SH2D1B: variants seen among roughly 807,000 people sequenced by gnomAD.
SH2D1B encodes the protein SH2 domain containing 1B.
In SH2D1B, 11 loss-of-function variants were observed where a neutral mutation model predicts 16.3. That is an observed-to-expected ratio of 0.67 (90% CI 0.42 to 1.11). The LOEUF is 1.11. SH2D1B is among the 50% of genes most tolerant of loss of function. SH2D1B has a pLI of 0.00. For synonymous variants in SH2D1B, 55 were observed against 56.1 expected, an observed-to-expected ratio of 0.98 and a Z score of 0.09; for missense variants, 123 against 153.1, an observed-to-expected ratio of 0.80 and a Z score of 1.04.
intron 1 of SH2D1B, among the ~76,000 whole-genome samples, chr1:162,404,886 G>A (rs116595957): frequency 2.6e-5 from 4 of 152,304 alleles, no homozygotes; most frequent in Non-Finnish European, 5.9e-5. Flanking sequence ...GAAACAGTTT[G>A]GCAGTTTCTT....
intron 2 of SH2D1B, among the ~76,000 whole-genome samples, chr1:162,400,457 A>ATTTTTT (rs34822047): frequency 1.8e-5 from 2 of 110,828 alleles, no homozygotes; most frequent in Non-Finnish European, 3.6e-5. Flanking sequence ...TACCTGGCTA[A>ATTTTTT]TTTTTTTTTT....
chr1:162,407,932 T>C (rs1557912269), intron 1 of SH2D1B, among the ~76,000 whole-genome samples: 1 of 152,256 alleles, frequency 6.6e-6, no homozygotes, highest in East Asian at 1.9e-4. Context: ...GCTTGTTGAA[T>C]GAATGAAGGT....
At chr1:162,408,683 G>A (rs1439856882) in intron 1 of SH2D1B, among the ~76,000 whole-genome samples, 1 of 151,906 alleles carries the variant, frequency 6.6e-6, no homozygotes, top group Non-Finnish European at 1.5e-5. Context: ...CAGAGTGCTG[G>A]GAATACAGGT....
intron 2 of SH2D1B, among the ~76,000 whole-genome samples, chr1:162,399,857 G>A (rs1328520171): frequency 6.6e-6 from 1 of 152,076 alleles, no homozygotes; most frequent in African/African-American, 2.4e-5. Context: ...TTTGACCTAA[G>A]CTCCTTTCTG....
intron 2 of SH2D1B, among the ~76,000 whole-genome samples, chr1:162,399,701 CTG>C (rs536676227): frequency 5.0e-4 from 76 of 152,284 alleles, no homozygotes; most frequent in South Asian, 3.1e-3. Context: ...TTGTTCTCCT[CTG>C]TGTGTCCATG....
At position 162,412,033 on chromosome 1, in the gene SH2D1B, T is replaced by C. The variant is rs1648809940; in HGVS notation, c.-17A>G. The C allele has an allele frequency of 2.5e-6, 4 of 1,613,798 alleles. No homozygotes were observed. ...CAGATCCATGGAGAACGCTCTTGTA[T>C]CCCAGGAAGCCCTGTTGGCCTGAAA... is the stretch of plus-strand genomic sequence containing the variant. On this transcript the variant is annotated 5_prime_UTR_variant, in exon 1 of 4. Transcript: ENST00000367929.
At position 162,397,178 on chromosome 1, in the gene SH2D1B, G is replaced by GACACA; in HGVS notation, c.*101_*102insTGTGT. 1 of 1,272,578 alleles carries GACACA rather than the reference G, an allele frequency of 7.9e-7. No homozygotes were observed. Among genetic ancestry groups the GACACA allele is most frequent in the Non-Finnish European group, 1.1e-6 (1 of 875,834 alleles). 78.8% of individuals were successfully genotyped at this position (1,272,578 alleles called of 1,614,324 possible). On this transcript the variant is annotated 3_prime_UTR_variant, in exon 4 of 4. Coordinates refer to ENST00000367929, the MANE Select transcript of SH2D1B (RefSeq NM_053282.5). The stretch of plus-strand genomic sequence containing the variant: ...TTACACAACCAGGAGAGTCTGAATT[G>GACACA]TCCACTAGAGTTTGGTGCTCTGGAC...
intron 1 of SH2D1B, among the ~76,000 whole-genome samples, chr1:162,407,487 C>T (rs1046968110): frequency 1.3e-5 from 2 of 152,218 alleles, no homozygotes; most frequent in African/African-American, 4.8e-5. Flanking sequence ...TAAGAAGCTA[C>T]AGTTTATTTT....
At chr1:162,403,282 A>T (rs1382705099) in intron 1 of SH2D1B, among the ~76,000 whole-genome samples, 3 of 151,908 alleles carry the variant, frequency 2.0e-5, no homozygotes, top group South Asian at 2.1e-4. Flanking sequence ...CGAGGTCAGG[A>T]GTTTCAGACC....
At position 162,395,286 on chromosome 1, in the gene SH2D1B, T is replaced by G. The variant is rs1648348425; in HGVS notation, c.*1994A>C. ...GCAAGGATGAAATGATATCAACAAT[T>G]TTATTAAGGTAACTTACCTTTATAA... On this transcript the variant is annotated 3_prime_UTR_variant, in exon 4 of 4. Transcript: ENST00000367929. 1 of 152,172 alleles carries G rather than the reference T, an allele frequency of 6.6e-6. No homozygotes were observed. Among genetic ancestry groups the G allele is most frequent in the Non-Finnish European group, 1.5e-5 (1 of 68,032 alleles). The allele number at this position is 152,172 out of a possible 1,614,324, so 9.4% of individuals were successfully genotyped here.
rs143063756 is a variant in SH2D1B at position 162,406,037 on chromosome 1, T to C, written c.135-3235A>G. ...TGCACCCTATAATATCAACAATGTG[T>C]TCTGCATTTTTCCATGCCATGATGC... is the stretch of plus-strand genomic sequence containing the variant. On this transcript the variant is annotated intron_variant, in intron 1 of 3. Coordinates refer to ENST00000367929, the MANE Select transcript of SH2D1B (RefSeq NM_053282.5). Among the ~76,000 whole-genome samples the C allele has an allele frequency of 7.8e-4, 119 of 152,350 alleles. 1 individual carries two copies. The East Asian group carries it at 0.015, about 20-fold the overall frequency.
At chr1:162,405,101 T>C (rs189731901) in intron 1 of SH2D1B, among the ~76,000 whole-genome samples, 1 of 152,228 alleles carries the variant, frequency 6.6e-6, no homozygotes, top group African/African-American at 2.4e-5. Flanking sequence ...AAATGAACTA[T>C]TGCTGCATGC....
intron 2 of SH2D1B, among the ~76,000 whole-genome samples, chr1:162,401,621 A>G (rs1057250545): frequency 1.3e-5 from 2 of 152,186 alleles, no homozygotes; most frequent in Non-Finnish European, 2.9e-5. Flanking sequence ...CCATACTACA[A>G]TGATTAAAAT....
intron 1 of SH2D1B, among the ~76,000 whole-genome samples, chr1:162,411,407 C>A (rs1050961886): frequency 6.6e-6 from 1 of 152,090 alleles, no homozygotes; most frequent in African/African-American, 2.4e-5. Context: ...AAGGAAATGA[C>A]GAATATTGAA....
chr1:162,405,774 A>AT (rs1648641473), intron 1 of SH2D1B, among the ~76,000 whole-genome samples: 1 of 152,246 alleles, frequency 6.6e-6, no homozygotes, highest in Non-Finnish European at 1.5e-5. Flanking sequence ...AAAGGCTGGA[A>AT]TACAGGACCT....
At chr1:162,403,077 T>C (rs1243801531) in intron 1 of SH2D1B, among the ~76,000 whole-genome samples, 1 of 151,992 alleles carries the variant, frequency 6.6e-6, no homozygotes, top group Non-Finnish European at 1.5e-5. Flanking sequence ...CCCGTTAGAA[T>C]GGCTATTATC....
At chr1:162,411,624 G>A (rs1011973232) in intron 1 of SH2D1B, among the ~76,000 whole-genome samples, 2 of 152,104 alleles carry the variant, frequency 1.3e-5, no homozygotes, top group Non-Finnish European at 2.9e-5. Flanking sequence ...ACTTCCTGCA[G>A]CCCTTCCCTT....
At chr1:162,401,365 T>G (rs1018882325) in intron 2 of SH2D1B, among the ~76,000 whole-genome samples, 1 of 152,216 alleles carries the variant, frequency 6.6e-6, no homozygotes, top group Non-Finnish European at 1.5e-5. Context: ...ATAAGACATT[T>G]TATCTTGAAA....
chr1:162,409,899 A>T (rs546406041), intron 1 of SH2D1B, among the ~76,000 whole-genome samples: 1 of 152,224 alleles, frequency 6.6e-6, no homozygotes, highest in South Asian at 2.1e-4. Flanking sequence ...TTTAAATGGT[A>T]CTGTTGGATG....
Sources: gnomAD v4.1 joint callset for allele counts (sites outside exome capture counted in the v4.1 genomes callset) on GRCh38, gnomAD v4.1.1 for gene constraint, MANE v1.5 for transcripts, NCBI Gene and HGNC (gene_info 2026-07-23, HGNC 2026-07-21) for gene names.